The following ADCY5 variants were observed in gnomAD, a reference collection of about 807,000 sequenced individuals.
The protein encoded by ADCY5 is adenylate cyclase 5.
In ADCY5, 30 loss-of-function variants were observed where a neutral mutation model predicts 119.7. The observed-to-expected ratio is 0.25, with a 90% CI of 0.19 to 0.34. ADCY5 has a LOEUF of 0.34. Among genes scored for constraint, ADCY5 ranks in the 10% least tolerant of loss-of-function variants. The pLI is 1.00. For missense variants in ADCY5, 1,324 were observed against 1,775.2 expected (o/e 0.75, Z 4.57); for synonymous variants, 753 against 762.2 (o/e 0.99, Z 0.20).
chr3:123,404,330 C>A (rs1368786864), intron 1 of ADCY5: 1 of 152,304 alleles, frequency 6.6e-6, no homozygotes, highest in Non-Finnish European at 1.5e-5. Context: ...CGACCTTGGA[C>A]AAACACCACC....
At chr3:123,316,467 G>A (rs937443648) in intron 11 of ADCY5, among the ~76,000 whole-genome samples, 23 of 152,172 alleles carry the variant, frequency 1.5e-4, no homozygotes, top group African/African-American at 5.3e-4. Context: ...TTAATTTCCC[G>A]GTTTTGATCA....
intron 1 of ADCY5, among the ~76,000 whole-genome samples, chr3:123,364,888 A>G (rs970473981): frequency 4.6e-5 from 7 of 151,978 alleles, no homozygotes; most frequent in Non-Finnish European, 8.8e-5. Context: ...TGCTTTCATA[A>G]AACTGTGCTC....
At chr3:123,315,170 G>A (rs951335726) in intron 11 of ADCY5, among the ~76,000 whole-genome samples, 3 of 152,214 alleles carry the variant, frequency 2.0e-5, no homozygotes, top group Admixed American at 1.3e-4. Flanking sequence ...GCCTGACGAG[G>A]CCAGGTGTTG....
intron 1 of ADCY5, among the ~76,000 whole-genome samples, chr3:123,383,205 G>A (rs1205068817): frequency 6.6e-6 from 1 of 152,178 alleles, no homozygotes; most frequent in Non-Finnish European, 1.5e-5. Context: ...CCGTAGGGAG[G>A]AGTCGCATTT....
intron 3 of ADCY5, among the ~76,000 whole-genome samples, chr3:123,344,431 T>C (rs1309086606): frequency 1.3e-5 from 2 of 152,220 alleles, no homozygotes; most frequent in Non-Finnish European, 2.9e-5. Flanking sequence ...ACACTTGTTA[T>C]GTGCCAGATA....
intron 3 of ADCY5, among the ~76,000 whole-genome samples, chr3:123,337,692 AT>A (rs1464434139): frequency 2.0e-5 from 3 of 152,218 alleles, no homozygotes; most frequent in African/African-American, 7.2e-5. Context: ...TTAGGAGCCC[AT>A]CCTACTCCAG....
rs1945873673 is a variant in ADCY5 at position 123,448,535 on chromosome 3, G to T, written c.11C>A (p.Ser4Tyr). Residue 4 changes from serine (S) to tyrosine (Y), a missense_variant, in exon 1 of 21, where the codon TCC becomes TAC. Physicochemically the swap from Ser to Tyr is moderately radical, Grantham distance 144 (BLOSUM62 -2). Around this residue, in one of 6 missense-constraint regions of ADCY5, gnomAD observed 585 missense variants for 569.9 expected, o/e 1.03. Transcript: ENST00000462833. MSG[S>Y]KSVSPPGYAA... is the part of the protein sequence containing the mutation. Reference sequence around the variant, plus strand: ...GTAGCCCGGGGGGCTCACGCTTTTGGAGCCGGACATCCCCCCCTCGGCCTC... The same window carrying T: ...GTAGCCCGGGGGGCTCACGCTTTTGTAGCCGGACATCCCCCCCTCGGCCTC... The T allele has an allele frequency of 1.6e-6, 2 of 1,266,142 alleles. No homozygotes were observed. The highest frequency in any genetic ancestry group is 1.5e-5 in the African/African-American group (1 of 64,676). The allele number at this position is 1,266,142 out of a possible 1,614,324, so 78.4% of individuals were successfully genotyped here. A position where few individuals can be genotyped will look rare whatever the true frequency, so the allele number is the denominator to read the frequency against.
chr3:123,407,949 T>C (rs999598874), intron 1 of ADCY5, among the ~76,000 whole-genome samples: 2 of 151,660 alleles, frequency 1.3e-5, no homozygotes, highest in Admixed American at 6.6e-5. Flanking sequence ...TGGGTTTTCT[T>C]TGGGGCTGAC....
At chr3:123,418,707 A>T (rs1417573881) in intron 1 of ADCY5, 1 of 152,132 alleles carries the variant, frequency 6.6e-6, no homozygotes, top group Non-Finnish European at 1.5e-5. Context: ...ACCTTCCAAC[A>T]CCACCACATC....
Position 123,325,384 on chromosome 3 carries a change from C to T in ADCY5, c.2026G>A (p.Ala676Thr), listed in dbSNP as rs1296943268. The stretch of plus-strand genomic sequence containing the variant: ...AGGTGGTTGTAGAAGGGGCGCTCAG[C>T]CCCCCAGTGTGGTGGGTTGTGCCCG... ...SIGHNPPHWG[A>T]ERPFYNHLGG... Residue 676 changes from alanine (A) to threonine (T), a missense_variant, in exon 8 of 21, where the codon GCT (alanine) becomes ACT (threonine). Ala to Thr is a moderately conservative substitution (Grantham distance 58). Around this residue, in one of 6 missense-constraint regions of ADCY5, gnomAD observed 424 missense variants for 546.8 expected, o/e 0.78. Transcript: ENST00000462833. The T allele has an allele frequency of 6.2e-7, 1 of 1,614,012 alleles. No homozygotes were observed. Among genetic ancestry groups the T allele is most frequent in the Non-Finnish European group, 8.5e-7 (1 of 1,180,002 alleles).
chr3:123,396,635 G>T (rs1944581922), intron 1 of ADCY5, among the ~76,000 whole-genome samples: 1 of 135,656 alleles, frequency 7.4e-6, no homozygotes, highest in African/African-American at 2.7e-5. Flanking sequence ...AGGGAGGGAG[G>T]GAAGGAGACA....
At chr3:123,385,307 A>ACACACACACACACACACG (rs1231942064) in intron 1 of ADCY5, among the ~76,000 whole-genome samples, 1 of 151,206 alleles carries the variant, frequency 6.6e-6, no homozygotes. Flanking sequence ...ACACACACAC[A>ACACACACACACACACACG]CACGCACGCA....
Position 123,447,989 on chromosome 3 carries a change from TC to T in ADCY5, c.556del (p.Asp186MetfsTer52). 1.5e-6 allele frequency: 2 copies of T among 1,338,862 alleles called. No homozygotes were observed. Among genetic ancestry groups the T allele is most frequent in the Non-Finnish European group, 9.5e-7 (1 of 1,048,852 alleles). 82.9% of individuals were successfully genotyped at this position (1,338,862 alleles called of 1,614,324 possible). On this transcript the variant is annotated frameshift_variant, in exon 1 of 21. Coordinates refer to ENST00000462833, the MANE Select transcript of ADCY5 (RefSeq NM_183357.3). LOFTEE classifies it high-confidence loss of function. The stretch of plus-strand genomic sequence containing the variant: ...GCCCGAGTCCGCCGAGCTGCCGCCA[TC>T]CCCGGACCCCTCGCCGCCCTCGACG... ...GAVEGGEGSG[D>X]GGSSADSGSG...
chr3:123,415,544 G>C (rs1350513006), intron 1 of ADCY5, among the ~76,000 whole-genome samples: 1 of 152,146 alleles, frequency 6.6e-6, no homozygotes, highest in Non-Finnish European at 1.5e-5. Flanking sequence ...CAGCGTCTGC[G>C]GGACCGTTTA....
In ADCY5 at chr3:123,339,957, A is replaced by G. The variant is rs116543080; in HGVS notation, c.1407-7282T>C. 9.3e-3 allele frequency among the ~76,000 whole-genome samples: 1,411 copies of G among 152,262 alleles called. 17 individuals are homozygous for G. Among genetic ancestry groups the G allele is most frequent in the African/African-American group, 0.032 (1,310 of 41,550 alleles). Reference sequence around the variant, plus strand: ...TTCTCCATACTGCTCTTATTTTCCAATTTTTCTACAAAGAACATATATTCT... The same window carrying G: ...TTCTCCATACTGCTCTTATTTTCCAGTTTTTCTACAAAGAACATATATTCT... On this transcript the variant is annotated intron_variant, in intron 3 of 20. Transcript: ENST00000462833.
chr3:123,435,410 G>A (rs1945590953), intron 1 of ADCY5, among the ~76,000 whole-genome samples: 2 of 152,196 alleles, frequency 1.3e-5, no homozygotes, highest in South Asian at 2.1e-4. Context: ...ATGCTGAAGA[G>A]AGACTGCCTC....
chr3:123,301,051 G>A (rs1939818323), intron 14 of ADCY5, among the ~76,000 whole-genome samples: 1 of 151,832 alleles, frequency 6.6e-6, no homozygotes, highest in Admixed American at 6.6e-5. Flanking sequence ...GCCCCTTCTG[G>A]TCTCTGAGCC....
chr3:123,291,294 G>A lies in ADCY5; in HGVS notation c.3146C>T (p.Ala1049Val). ...CCGCTCGCGGGCCAGGAAGTGAGCG[G>A]CCACGTCCTTGGGCAGGATGTTGTG... ...LLHNILPKDVAAHFLARERRN... is the reference protein window; with the variant it reads ...LLHNILPKDVVAHFLARERRN... The change falls in exon 18 of 21, where the codon GCC becomes GTC. Residue 1049 changes from alanine to valine, a missense_variant. Physicochemically the swap from Ala to Val is moderately conservative, Grantham distance 64. Coordinates refer to ENST00000462833, the MANE Select transcript of ADCY5 (RefSeq NM_183357.3). 1 of 1,613,888 alleles carries A rather than the reference G, an allele frequency of 6.2e-7. No homozygotes were observed.
intron 12 of ADCY5, among the ~76,000 whole-genome samples, chr3:123,310,293 G>A (rs947660982): frequency 1.2e-4 from 19 of 152,050 alleles, no homozygotes; most frequent in South Asian, 6.2e-4. Context: ...CCATTTGGGC[G>A]GTGGCGGCAA....
Sources: gnomAD v4.1 joint callset for allele counts (sites outside exome capture counted in the v4.1 genomes callset) on GRCh38, gnomAD v4.1.1 for gene constraint, gnomAD v4.1.1 regional missense constraint, MANE v1.5 for transcripts, NCBI Gene and HGNC (gene_info 2026-07-23, HGNC 2026-07-21) for gene names.